ZNF804B: variants seen among roughly 807,000 people sequenced by gnomAD.
ZNF804B encodes zinc finger protein 804B.
A neutral mutation model predicts 101.4 loss-of-function variants in ZNF804B; 80 were observed. The observed-to-expected ratio is 0.79, with a 90% CI of 0.66 to 0.95. The LOEUF is 0.95. Among genes scored for constraint, ZNF804B ranks in the 40% least tolerant of loss-of-function variants. The probability of loss-of-function intolerance (pLI) is 0.00; values close to 1 mark genes in which losing one functional copy is unlikely to be tolerated. For synonymous variants in ZNF804B, 622 were observed against 558.8 expected (o/e 1.11, Z -1.59); for missense variants, 1,673 against 1,561.9 (o/e 1.07, Z -1.20).
intron 1 of ZNF804B, among the ~76,000 whole-genome samples, chr7:88,890,360 G>A (rs570955043): frequency 2.0e-5 from 3 of 152,230 alleles, no homozygotes; most frequent in African/African-American, 7.2e-5. Flanking sequence ...TTTTTACATA[G>A]ACAGGAGTTT....
intron 1 of ZNF804B, among the ~76,000 whole-genome samples, chr7:88,918,918 A>G (rs896295472): frequency 1.3e-5 from 2 of 152,154 alleles, no homozygotes; most frequent in African/African-American, 2.4e-5. Flanking sequence ...AACACATCAA[A>G]GGAATATGTG....
chr7:89,308,855 A>G (rs1320722301), intron 2 of ZNF804B, among the ~76,000 whole-genome samples: 1 of 152,170 alleles, frequency 6.6e-6, no homozygotes, highest in African/African-American at 2.4e-5. Context: ...TTTTATATTT[A>G]TTTACAAAAG....
intron 1 of ZNF804B, among the ~76,000 whole-genome samples, chr7:89,058,498 AT>A (rs1244569845): frequency 6.6e-6 from 1 of 152,140 alleles, no homozygotes; most frequent in African/African-American, 2.4e-5. Flanking sequence ...GTAGCATAAC[AT>A]TCCTACTAAA....
At chr7:89,312,684 C>G (rs978567119) in intron 2 of ZNF804B, among the ~76,000 whole-genome samples, 1 of 151,906 alleles carries the variant, frequency 6.6e-6, no homozygotes, top group Non-Finnish European at 1.5e-5. Context: ...TGTATTGCAA[C>G]CAGAACACAT....
rs1178176481 is a variant in ZNF804B at position 89,127,963 on chromosome 7, A to G, written c.109-90192A>G. On this transcript the variant is annotated intron_variant, in intron 1 of 3. Coordinates refer to ENST00000333190, the MANE Select transcript of ZNF804B (RefSeq NM_181646.5). Reference sequence around the variant, plus strand: ...TACCATTTTTGATCAGTTTTACTTTAGAAAAATGAAATAATACTGTGCATA... The same window carrying G: ...TACCATTTTTGATCAGTTTTACTTTGGAAAAATGAAATAATACTGTGCATA... Among the ~76,000 whole-genome samples, 8 of 151,914 alleles carry G rather than the reference A, an allele frequency of 5.3e-5. No individual in the cohort carries two copies. The East Asian group carries it at 1.5e-3, about 29-fold the overall frequency.
At chr7:89,184,212 C>T (rs1484178995) in intron 1 of ZNF804B, among the ~76,000 whole-genome samples, 1 of 152,248 alleles carries the variant, frequency 6.6e-6, no homozygotes, top group East Asian at 1.9e-4. Flanking sequence ...CAATCTCACA[C>T]ACACATATTT....
chr7:89,068,859 A>AT (rs1489189859), intron 1 of ZNF804B, among the ~76,000 whole-genome samples: 1 of 152,178 alleles, frequency 6.6e-6, no homozygotes, highest in Non-Finnish European at 1.5e-5. Flanking sequence ...GGCACTTAGA[A>AT]GACTACAGAT....
chr7:88,794,728 A>C (rs201754738), intron 1 of ZNF804B: 105 of 1,613,544 alleles, frequency 6.5e-5, no homozygotes, highest in Non-Finnish European at 8.6e-5. Context: ...TGACTGAAAC[A>C]TTTGTTCATA....
intron 1 of ZNF804B, among the ~76,000 whole-genome samples, chr7:89,147,868 A>C (rs1231527728): frequency 6.6e-6 from 1 of 151,658 alleles, no homozygotes; most frequent in Non-Finnish European, 1.5e-5. Flanking sequence ...GTTGCAGGAA[A>C]ACACGCTCAG....
At chr7:88,835,670 G>A (rs745873739) in intron 1 of ZNF804B, among the ~76,000 whole-genome samples, 3 of 151,772 alleles carry the variant, frequency 2.0e-5, no homozygotes, top group Admixed American at 6.6e-5. Flanking sequence ...GGGTAACTTC[G>A]ATAGTAGATA....
chr7:89,287,556 A>G (rs1049215336), intron 2 of ZNF804B, among the ~76,000 whole-genome samples: 12 of 152,202 alleles, frequency 7.9e-5, no homozygotes, highest in African/African-American at 2.9e-4. Flanking sequence ...TGGTTAACGG[A>G]TAAACTATTT....
At chr7:89,074,739 G>A (rs1265367991) in intron 1 of ZNF804B, among the ~76,000 whole-genome samples, 3 of 152,148 alleles carry the variant, frequency 2.0e-5, no homozygotes, top group Admixed American at 1.3e-4. Context: ...GGCAGAGGTT[G>A]GAACAGTTTG....
chr7:88,913,905 A>G (rs995162240), intron 1 of ZNF804B, among the ~76,000 whole-genome samples: 2 of 152,232 alleles, frequency 1.3e-5, no homozygotes, highest in Non-Finnish European at 2.9e-5. Context: ...CAATAACATT[A>G]TAAGTATTGC....
chr7:88,842,573 G>A (rs17164681), intron 1 of ZNF804B, among the ~76,000 whole-genome samples: 3,929 of 152,240 alleles, frequency 0.026, 131 homozygotes, highest in African/African-American at 0.072. Context: ...TTAAAAATCA[G>A]TTAAGGAAGG....
chr7:89,013,485 T>G (rs763073170), intron 1 of ZNF804B, among the ~76,000 whole-genome samples: 1 of 152,224 alleles, frequency 6.6e-6, no homozygotes, highest in African/African-American at 2.4e-5. Flanking sequence ...AGTTGGGATA[T>G]CTGAGATTCT....
intron 1 of ZNF804B, among the ~76,000 whole-genome samples, chr7:88,768,772 T>C (rs1298437484): frequency 6.6e-6 from 1 of 152,230 alleles, no homozygotes; most frequent in East Asian, 1.9e-4. Context: ...TCAGTTTCTA[T>C]GATATATTAT....
intron 1 of ZNF804B, among the ~76,000 whole-genome samples, chr7:88,892,555 A>G (rs1179378187): frequency 2.6e-5 from 4 of 152,014 alleles, no homozygotes; most frequent in Non-Finnish European, 5.9e-5. Context: ...CTATAGTTTC[A>G]CTACCATTTG....
chr7:89,160,588 A>G (rs1039002747), intron 1 of ZNF804B, among the ~76,000 whole-genome samples: 2 of 152,196 alleles, frequency 1.3e-5, no homozygotes, highest in Non-Finnish European at 2.9e-5. Context: ...TAATATTTCA[A>G]AAAAGCTCTA....
intron 1 of ZNF804B, among the ~76,000 whole-genome samples, chr7:89,071,831 A>G (rs903351932): frequency 1.4e-4 from 21 of 150,356 alleles, no homozygotes; most frequent in African/African-American, 5.3e-4. Flanking sequence ...AAAACATAAC[A>G]TGGCATCCTA....
Sources: gnomAD v4.1 joint callset for allele counts (sites outside exome capture counted in the v4.1 genomes callset) on GRCh38, gnomAD v4.1.1 for gene constraint, MANE v1.5 for transcripts, NCBI Gene and HGNC (gene_info 2026-07-23, HGNC 2026-07-21) for gene names.